The following CIMIP7 variants were observed in gnomAD, a reference collection of about 807,000 sequenced individuals.
CIMIP7 encodes the protein uncharacterized protein C3orf84.
chr3:49,183,073 C>G, the CIMIP7 span, among the ~76,000 whole-genome samples: 3 of 152,208 alleles, frequency 2.0e-5, no homozygotes, highest in Admixed American at 2.0e-4. Context: ...CACAGCGCAG[C>G]GGCGGGCTGA....
At chr3:49,189,923 G>A in the CIMIP7 span, 1 of 841,672 alleles carries the variant, frequency 1.2e-6, no homozygotes, top group Admixed American at 1.7e-5. Flanking sequence ...CCCAGGGATA[G>A]GTGTCAGTAC....
the CIMIP7 span, chr3:49,191,835 A>G: frequency 6.7e-7 from 1 of 1,493,874 alleles, no homozygotes; most frequent in Middle Eastern, 1.7e-4. Context: ...ATCTTCAGGA[A>G]AGAGAATCTC....
At chr3:49,178,724 C>G in the CIMIP7 span, among the ~76,000 whole-genome samples, 1 of 152,124 alleles carries the variant, frequency 6.6e-6, no homozygotes, top group Non-Finnish European at 1.5e-5. Context: ...CCTGGGATAT[C>G]TCAACCTGGG....
chr3:49,183,041 G>A, the CIMIP7 span, among the ~76,000 whole-genome samples: 1 of 152,128 alleles, frequency 6.6e-6, no homozygotes, highest in Admixed American at 6.5e-5. Context: ...CTCGGGCCTC[G>A]GCAAGCCCAG....
At chr3:49,185,420 G>A in the CIMIP7 span, among the ~76,000 whole-genome samples, 1 of 151,180 alleles carries the variant, frequency 6.6e-6, no homozygotes, top group Non-Finnish European at 1.5e-5. Flanking sequence ...AAAAAAATTA[G>A]CTGGACACGG....
the CIMIP7 span, among the ~76,000 whole-genome samples, chr3:49,183,131 C>G: frequency 2.0e-5 from 3 of 152,156 alleles, no homozygotes; most frequent in African/African-American, 7.2e-5. Flanking sequence ...GAGGAGGTGC[C>G]GAGAGCAAGC....
the CIMIP7 span, chr3:49,177,753 G>T: frequency 6.2e-7 from 1 of 1,609,662 alleles, no homozygotes; most frequent in South Asian, 1.1e-5. Flanking sequence ...GTACGTCAGT[G>T]ACCGGCGCCT....
the CIMIP7 span, chr3:49,178,111 C>T: frequency 6.9e-7 from 1 of 1,447,106 alleles, no homozygotes. Flanking sequence ...TTCTTGGGCC[C>T]CTCCTAACCC....
At chr3:49,187,886 T>C in the CIMIP7 span, among the ~76,000 whole-genome samples, 113 of 152,362 alleles carry the variant, frequency 7.4e-4, no homozygotes, top group African/African-American at 2.6e-3. Context: ...CAGATTATGC[T>C]ACTTGGGGCT....
the CIMIP7 span, chr3:49,190,228 G>T: frequency 1.2e-6 from 1 of 856,376 alleles, no homozygotes; most frequent in Non-Finnish European, 1.8e-6. Context: ...TTCCAGGAAA[G>T]CCAGACCAGA....
chr3:49,185,932 G>A, the CIMIP7 span, among the ~76,000 whole-genome samples: 6 of 151,380 alleles, frequency 4.0e-5, no homozygotes, highest in South Asian at 2.1e-4. Context: ...TGATCCACCC[G>A]CCTGAGCCTC....
chr3:49,191,554 G>A, the CIMIP7 span: 1 of 704,178 alleles, frequency 1.4e-6, no homozygotes. Context: ...ATGGAAGGGG[G>A]CAAAGTGTTA....
At chr3:49,180,718 C>T in the CIMIP7 span, among the ~76,000 whole-genome samples, 1 of 151,290 alleles carries the variant, frequency 6.6e-6, no homozygotes. Flanking sequence ...ATCACGAGGT[C>T]AGGAGATCGA....
chr3:49,183,945 G>A, the CIMIP7 span, among the ~76,000 whole-genome samples: 1 of 152,168 alleles, frequency 6.6e-6, no homozygotes, highest in East Asian at 1.9e-4. Context: ...GAATCTCTAG[G>A]AAATTATGCT....
At chr3:49,179,481 C>T in the CIMIP7 span, among the ~76,000 whole-genome samples, 3 of 152,186 alleles carry the variant, frequency 2.0e-5, no homozygotes, top group Non-Finnish European at 2.9e-5. Flanking sequence ...GTGAGACCCA[C>T]ATGATATTGG....
At chr3:49,182,378 T>C in the CIMIP7 span, among the ~76,000 whole-genome samples, 4 of 152,162 alleles carry the variant, frequency 2.6e-5, no homozygotes, top group African/African-American at 9.7e-5. Context: ...ATTAGCTAGA[T>C]ACAGAGTGTG....
At chr3:49,178,435 C>G in the CIMIP7 span, 2 of 1,574,770 alleles carry the variant, frequency 1.3e-6, no homozygotes, top group Non-Finnish European at 1.7e-6. Flanking sequence ...CAGACTTCAG[C>G]TTAGGCTGGG....
chr3:49,181,845 G>C, the CIMIP7 span, among the ~76,000 whole-genome samples: 1 of 152,216 alleles, frequency 6.6e-6, no homozygotes, highest in Admixed American at 6.5e-5. Flanking sequence ...CAAGACTGAA[G>C]CCGCGGACCC....
the CIMIP7 span, among the ~76,000 whole-genome samples, chr3:49,181,252 G>A: frequency 1.3e-5 from 2 of 151,194 alleles, no homozygotes; most frequent in Non-Finnish European, 2.9e-5. Flanking sequence ...TGAGGCAGGA[G>A]AATTGCTTGA....
Sources: allele counts gnomAD v4.1 joint callset (sites outside exome capture counted in the v4.1 genomes callset), GRCh38; gene constraint gnomAD v4.1.1; transcripts MANE v1.5; gene names NCBI Gene and HGNC (gene_info 2026-07-23, HGNC 2026-07-21).